Variants in ABCA12 observed in about 807,000 individuals in gnomAD.
The protein encoded by ABCA12 is ATP binding cassette subfamily A member 12, also known as glucosylceramide transporter ABCA12.
ABCA12 carries 156 observed loss-of-function variants against 293.5 expected under a neutral mutation model. The observed-to-expected ratio is 0.53, with a 90% CI of 0.47 to 0.61. The LOEUF is 0.61. Ranked by LOEUF, ABCA12 falls within the 20% of genes least tolerant of loss-of-function variation. The probability of loss-of-function intolerance (pLI) is 0.00; values close to 1 mark genes in which losing one functional copy is unlikely to be tolerated. For missense variants in ABCA12, 2,797 were observed against 3,090.2 expected, an observed-to-expected ratio of 0.91 and a Z score of 2.25; for synonymous variants, 1,063 against 1,108.0, an observed-to-expected ratio of 0.96 and a Z score of 0.81.
intron 9 of ABCA12, chr2:215,030,364 G>A (rs1403648697): frequency 1.3e-5 from 2 of 152,154 alleles, no homozygotes; most frequent in African/African-American, 4.8e-5. Context: ...AGAGGCCGAG[G>A]CGGGCGAATC....
At chr2:215,087,339 A>G (rs1702061366) in intron 2 of ABCA12, among the ~76,000 whole-genome samples, 2 of 152,216 alleles carry the variant, frequency 1.3e-5, no homozygotes, top group African/African-American at 4.8e-5. Context: ...GCGCTGTCAA[A>G]TATTTATTAA....
At chr2:215,109,626 TC>T (rs1230828138) in intron 2 of ABCA12, among the ~76,000 whole-genome samples, 1 of 152,218 alleles carries the variant, frequency 6.6e-6, no homozygotes, top group East Asian at 1.9e-4. Flanking sequence ...CAATGTTTTT[TC>T]AGAGCCCTTT....
chr2:215,114,309 A>C (rs1433729473), intron 1 of ABCA12, among the ~76,000 whole-genome samples: 3 of 152,192 alleles, frequency 2.0e-5, no homozygotes, highest in Non-Finnish European at 4.4e-5. Context: ...ACTGAATTTC[A>C]ATATAATTGG....
In ABCA12 at chr2:214,978,038, ACTT is replaced by A. The variant is rs1699560199; in HGVS notation, c.5128+275_5128+277del. Among the ~76,000 whole-genome samples, 6 of 152,320 alleles carry A rather than the reference ACTT, an allele frequency of 3.9e-5. No homozygotes were observed. In the South Asian group the frequency reaches 1.2e-3, roughly 32 times the overall value. On this transcript the variant is annotated intron_variant, in intron 33 of 52. Coordinates refer to ENST00000272895, the MANE Select transcript of ABCA12 (RefSeq NM_173076.3). ...AACATGAACTGAAATTGTAGAAGTTACTTCTTGAAAACAATTTCTGGTGGGGAG... is the reference window on the plus strand; with the variant it reads ...AACATGAACTGAAATTGTAGAAGTTACTTGAAAACAATTTCTGGTGGGGAG...
chr2:215,087,307 G>T (rs1559186545), intron 2 of ABCA12, among the ~76,000 whole-genome samples: 1 of 152,142 alleles, frequency 6.6e-6, no homozygotes, highest in Non-Finnish European at 1.5e-5. Context: ...ACTGGATCAG[G>T]ATATTCTTCA....
chr2:215,039,699 G>A (rs928005005), intron 7 of ABCA12, among the ~76,000 whole-genome samples: 2 of 151,958 alleles, frequency 1.3e-5, no homozygotes, highest in African/African-American at 4.8e-5. Context: ...AGCTTGCAGT[G>A]AGCCCAGATC....
intron 5 of ABCA12, 115 bp from the exon 6 acceptor site, chr2:215,049,926 A>G (rs902274992): frequency 4.3e-5 from 37 of 869,152 alleles, no homozygotes; most frequent in South Asian, 3.0e-5. Context: ...GAGGTCCTCC[A>G]TTATAGCAGC....
chr2:214,977,643 CA>C (rs944921938), intron 33 of ABCA12, among the ~76,000 whole-genome samples: 1 of 152,042 alleles, frequency 6.6e-6, no homozygotes, highest in Non-Finnish European at 1.5e-5. Context: ...AAGTTATTTT[CA>C]AAAGAGCCCA....
At chr2:214,987,873 A>C in intron 26 of ABCA12, 80 bp from the exon 27 acceptor site, 1 of 1,535,386 alleles carries the variant, frequency 6.5e-7, no homozygotes, top group Non-Finnish European at 8.9e-7. Flanking sequence ...AGTAGATCCT[A>C]TGTATGGTTT....
intron 9 of ABCA12, among the ~76,000 whole-genome samples, chr2:215,028,874 CA>C (rs1700808989): frequency 6.6e-6 from 1 of 152,008 alleles, no homozygotes; most frequent in African/African-American, 2.4e-5. Flanking sequence ...AGCACTTGCT[CA>C]AAAAACCCTG....
intron 2 of ABCA12, among the ~76,000 whole-genome samples, chr2:215,082,096 G>A (rs1335220565): frequency 7.3e-6 from 1 of 136,212 alleles, no homozygotes; most frequent in African/African-American, 2.8e-5. Flanking sequence ...CCAGGCTAGA[G>A]TGCAGTGGCA....
chr2:215,015,344 G>C, intron 15 of ABCA12, 146 bp downstream of exon 15: 2 of 798,698 alleles, frequency 2.5e-6, no homozygotes, highest in Non-Finnish European at 4.0e-6. Flanking sequence ...GATCTCTAAG[G>C]TTGCATTTAG....
At chr2:214,994,051 G>GAAACTTCAGTGTT (rs1437647206) in intron 23 of ABCA12, among the ~76,000 whole-genome samples, 1 of 152,084 alleles carries the variant, frequency 6.6e-6, no homozygotes, top group East Asian at 1.9e-4. Context: ...ATTCTAGCAT[G>GAAACTTCAGTGTT]AAACTTCAGT....
chr2:215,105,457 T>C (rs1258484789), intron 2 of ABCA12, among the ~76,000 whole-genome samples: 1 of 151,974 alleles, frequency 6.6e-6, no homozygotes, highest in Non-Finnish European at 1.5e-5. Context: ...GTTGGAAGAA[T>C]CCTGATTATG....
intron 2 of ABCA12, among the ~76,000 whole-genome samples, chr2:215,108,773 A>C (rs1270820379): frequency 6.6e-6 from 1 of 152,168 alleles, no homozygotes; most frequent in Non-Finnish European, 1.5e-5. Context: ...TTTCTACGAC[A>C]AAAGAGGGGG....
chr2:214,997,141 C>T (rs1700053406), intron 23 of ABCA12, among the ~76,000 whole-genome samples: 1 of 152,130 alleles, frequency 6.6e-6, no homozygotes, highest in Non-Finnish European at 1.5e-5. Flanking sequence ...GATATGGTTA[C>T]TAACCCAATC....
intron 33 of ABCA12, among the ~76,000 whole-genome samples, 175 bp from the exon 34 acceptor site, chr2:214,976,212 G>A (rs896057523): frequency 6.6e-6 from 1 of 152,166 alleles, no homozygotes; most frequent in Non-Finnish European, 1.5e-5. Context: ...CTTCCATTGG[G>A]AAAACTGAGA....
At chr2:215,012,608 T>C (rs2106003454) in intron 15 of ABCA12, among the ~76,000 whole-genome samples, 1 of 152,148 alleles carries the variant, frequency 6.6e-6, no homozygotes, top group South Asian at 2.1e-4. Flanking sequence ...AGACAGAAAA[T>C]AGATTAGAAG....
At chr2:214,991,107 A>G (rs1699903518) in intron 23 of ABCA12, 76 bp from the exon 24 acceptor site, 1 of 1,311,182 alleles carries the variant, frequency 7.6e-7, no homozygotes, top group African/African-American at 1.5e-5. Flanking sequence ...GTATTATGTC[A>G]AAATGTCATG....
Sources: gnomAD v4.1 joint callset for allele counts (sites outside exome capture counted in the v4.1 genomes callset) on GRCh38, gnomAD v4.1.1 for gene constraint, MANE v1.5 for transcripts, NCBI Gene and HGNC (gene_info 2026-07-23, HGNC 2026-07-21) for gene names.